INPP4B: variants seen among roughly 807,000 people sequenced by gnomAD.
INPP4B encodes the protein inositol polyphosphate 4-phosphatase type II.
Under a neutral mutation model 122.5 loss-of-function variants are expected in INPP4B, and 55 were observed. That is an observed-to-expected ratio of 0.45 (90% CI 0.36 to 0.56). The LOEUF (loss-of-function observed/expected upper bound fraction) is 0.56, where lower values mean the gene tolerates loss of function less well. INPP4B is among the 20% of genes least tolerant of loss of function. The pLI is 0.00. For synonymous variants in INPP4B, 403 were observed against 388.7 expected (o/e 1.04, Z -0.43); for missense variants, 1,000 against 1,097.7 (o/e 0.91, Z 1.26).
intron 9 of INPP4B, among the ~76,000 whole-genome samples, chr4:142,272,106 TTC>T (rs1746141780): frequency 6.6e-6 from 1 of 152,172 alleles, no homozygotes; most frequent in Non-Finnish European, 1.5e-5. Flanking sequence ...AGTCACATCT[TTC>T]ATGAAATTTG....
chr4:142,474,532 G>C (rs1241454277), intron 2 of INPP4B: 1 of 152,390 alleles, frequency 6.6e-6, no homozygotes, highest in Non-Finnish European at 1.5e-5. Context: ...TGGTATCCAG[G>C]CAGGCAACAC....
At chr4:142,601,620 C>T (rs1375078457) in intron 2 of INPP4B, among the ~76,000 whole-genome samples, 1 of 144,746 alleles carries the variant, frequency 6.9e-6, no homozygotes, top group Admixed American at 6.8e-5. Context: ...TTCAAATATA[C>T]AACCTAATGA....
At chr4:142,391,411 A>C (rs1341935967) in intron 7 of INPP4B, among the ~76,000 whole-genome samples, 1 of 152,134 alleles carries the variant, frequency 6.6e-6, no homozygotes, top group Non-Finnish European at 1.5e-5. Context: ...ACACACAAAA[A>C]AATAGCCGGG....
chr4:142,522,281 A>G (rs1056472629), intron 2 of INPP4B, among the ~76,000 whole-genome samples: 2 of 151,240 alleles, frequency 1.3e-5, no homozygotes, highest in African/African-American at 4.8e-5. Flanking sequence ...TCCATCTACT[A>G]TTGTGTCATG....
At chr4:142,733,976 G>A (rs1282487985) in intron 1 of INPP4B, among the ~76,000 whole-genome samples, 3 of 152,126 alleles carry the variant, frequency 2.0e-5, no homozygotes, top group African/African-American at 4.8e-5. Context: ...AAAGAAAGAA[G>A]TCACATGGAA....
intron 7 of INPP4B, among the ~76,000 whole-genome samples, chr4:142,353,745 C>T (rs752840110): frequency 3.3e-5 from 5 of 151,958 alleles, no homozygotes; most frequent in Non-Finnish European, 7.4e-5. Flanking sequence ...ATCACAGCAC[C>T]CAAGATCTTT....
chr4:142,040,121 A>G (rs1746441388), intron 25 of INPP4B, among the ~76,000 whole-genome samples: 1 of 151,552 alleles, frequency 6.6e-6, no homozygotes, highest in South Asian at 2.1e-4. Context: ...AAGTGGGGGA[A>G]GAAGAGGAGG....
intron 2 of INPP4B, among the ~76,000 whole-genome samples, chr4:142,623,448 C>A (rs1745440473): frequency 6.6e-6 from 1 of 151,816 alleles, no homozygotes; most frequent in Non-Finnish European, 1.5e-5. Context: ...CTAACCTGTC[C>A]TTCATATTTT....
At position 142,086,201 on chromosome 4, in the gene INPP4B, AAGG is replaced by A. The variant is rs1357813195; in HGVS notation, c.2427_2429del (p.Leu810del). ...TTCTTTTTTTGGATTGGATATTTTG[AAGG>A]AGATTTTCTAGCAATGCTTTTAAAT... On this transcript the variant is annotated inframe_deletion, in exon 24 of 26. Coordinates refer to ENST00000262992, the MANE Select transcript of INPP4B (RefSeq NM_001101669.3). The A allele has an allele frequency of 1.9e-6, 3 of 1,605,108 alleles. No homozygotes were observed. Among genetic ancestry groups the A allele is most frequent in the Non-Finnish European group, 2.6e-6 (3 of 1,172,028 alleles).
At chr4:142,455,073 A>T (rs2149536708) in intron 3 of INPP4B, among the ~76,000 whole-genome samples, 1 of 152,134 alleles carries the variant, frequency 6.6e-6, no homozygotes, top group Non-Finnish European at 1.5e-5. Flanking sequence ...TTTATGAGGT[A>T]TCAAAACCTC....
At chr4:142,592,322 G>A (rs965388285) in intron 2 of INPP4B, among the ~76,000 whole-genome samples, 15 of 152,012 alleles carry the variant, frequency 9.9e-5, no homozygotes, top group Non-Finnish European at 7.4e-5. Context: ...TAATATATTC[G>A]ACTTCACTAT....
chr4:142,206,097 G>C (rs1244535690), intron 14 of INPP4B, among the ~76,000 whole-genome samples: 1 of 152,120 alleles, frequency 6.6e-6, no homozygotes, highest in Non-Finnish European at 1.5e-5. Flanking sequence ...GTAGAAGGTG[G>C]AAAAGCAAGA....
At chr4:142,670,099 T>C (rs1430120862) in intron 2 of INPP4B, among the ~76,000 whole-genome samples, 1 of 152,172 alleles carries the variant, frequency 6.6e-6, no homozygotes, top group Non-Finnish European at 1.5e-5. Flanking sequence ...AAACGGTGTA[T>C]ATGCTACTTG....
At chr4:142,790,884 A>G (rs1689874466) in intron 1 of INPP4B, among the ~76,000 whole-genome samples, 1 of 151,968 alleles carries the variant, frequency 6.6e-6, no homozygotes, top group African/African-American at 2.4e-5. Flanking sequence ...AACATCTCAA[A>G]TGGGTGCACC....
rs1465834338 is a variant in INPP4B at position 142,463,497 on chromosome 4, C to A, written c.-190-771G>T. On this transcript the variant is annotated intron_variant, in intron 2 of 25. Coordinates refer to ENST00000262992, the MANE Select transcript of INPP4B (RefSeq NM_001101669.3). ...TTGTTCCTAAACTTTGCACCATGAACCTTTCTCTTTGCTGTTCTTAATTTG... is the reference window on the plus strand; with the variant it reads ...TTGTTCCTAAACTTTGCACCATGAAACTTTCTCTTTGCTGTTCTTAATTTG... Among the ~76,000 whole-genome samples, 9 of 152,284 alleles carry A rather than the reference C, an allele frequency of 5.9e-5. No homozygotes were observed. The East Asian group carries it at 7.7e-4, about 13-fold the overall frequency.
At chr4:142,524,266 C>T (rs913062806) in intron 2 of INPP4B, among the ~76,000 whole-genome samples, 2 of 152,124 alleles carry the variant, frequency 1.3e-5, no homozygotes, top group Non-Finnish European at 2.9e-5. Context: ...AGTTTACAGT[C>T]CCACCAACAG....
chr4:142,570,318 T>C (rs1391715104), intron 2 of INPP4B, among the ~76,000 whole-genome samples: 1 of 152,056 alleles, frequency 6.6e-6, no homozygotes, highest in Non-Finnish European at 1.5e-5. Flanking sequence ...TTACAGCTCT[T>C]ATTACACTTG....
chr4:142,527,187 A>ATAT lies in INPP4B; in HGVS notation c.-190-64462_-190-64461insATA, dbSNP rs201247141. On this transcript the variant is annotated intron_variant, in intron 2 of 25. Transcript: ENST00000262992. ...AATATATAATTTTTCATTTAAACAT[A>ATAT]GTTATTTTCTAAATTCCCCATCATA... Among the ~76,000 whole-genome samples the ATAT allele has an allele frequency of 5.2e-3, 789 of 151,904 alleles. 9 individuals carry two copies. Among genetic ancestry groups the ATAT allele is most frequent in the African/African-American group, 0.018 (743 of 41,526 alleles).
intron 15 of INPP4B, among the ~76,000 whole-genome samples, chr4:142,192,393 T>C (rs1188902970): frequency 1.6e-5 from 2 of 122,578 alleles, no homozygotes; most frequent in Admixed American, 8.5e-5. Context: ...AAAAGGAAAG[T>C]AGTTATTCTT....
Sources: gnomAD v4.1 joint callset for allele counts (sites outside exome capture counted in the v4.1 genomes callset) on GRCh38, gnomAD v4.1.1 for gene constraint, MANE v1.5 for transcripts, NCBI Gene and HGNC (gene_info 2026-07-23, HGNC 2026-07-21) for gene names.